The following CCDC7 variants were observed in gnomAD, a reference collection of about 807,000 sequenced individuals.
CCDC7 encodes coiled-coil domain containing 7.
In CCDC7, 183 loss-of-function variants were observed where a neutral mutation model predicts 196.9. That is an observed-to-expected ratio of 0.93 (90% CI 0.82 to 1.05). The LOEUF (loss-of-function observed/expected upper bound fraction) is 1.05, where lower values mean the gene tolerates loss of function less well. Among genes scored for constraint, CCDC7 ranks in the 50% least tolerant of loss-of-function variants. The pLI is 0.00. For missense variants in CCDC7, 1,540 were observed against 1,482.2 expected, an observed-to-expected ratio of 1.04 and a Z score of -0.64; for synonymous variants, 525 against 484.6, an observed-to-expected ratio of 1.08 and a Z score of -1.10.
chr10:32,777,689 T>C (rs1198701063), intron 28 of CCDC7, among the ~76,000 whole-genome samples: 1 of 151,524 alleles, frequency 6.6e-6, no homozygotes, highest in African/African-American at 2.4e-5. Context: ...AAACCCCATC[T>C]CTACTAAAAA....
At chr10:32,712,019 T>C (rs1002886177) in intron 25 of CCDC7, among the ~76,000 whole-genome samples, 2 of 152,200 alleles carry the variant, frequency 1.3e-5, no homozygotes, top group African/African-American at 4.8e-5. Flanking sequence ...CATCTGCTGC[T>C]GGCCATTTAT....
chr10:32,841,997 C>G (rs1454981949), intron 33 of CCDC7, among the ~76,000 whole-genome samples: 1 of 151,922 alleles, frequency 6.6e-6, no homozygotes, highest in Non-Finnish European at 1.5e-5. Flanking sequence ...TCATAAGCTT[C>G]TAGAAGATAA....
chr10:32,811,281 A>T lies in CCDC7; in HGVS notation c.3098-3089A>T, dbSNP rs551816451. On this transcript the variant is annotated intron_variant, in intron 30 of 41. Coordinates refer to ENST00000639629, the Ensembl canonical transcript of CCDC7. The stretch of plus-strand genomic sequence containing the variant: ...GTAGACTAACTTAAAAAAAGATAGA[A>T]GATACAAATTAACAAAATCAGAAAT... Among the ~76,000 whole-genome samples, 5 of 152,174 alleles carry T rather than the reference A, an allele frequency of 3.3e-5. No individual in the cohort carries two copies. In the East Asian group the frequency reaches 7.7e-4, roughly 23 times the overall value.
intron 18 of CCDC7, among the ~76,000 whole-genome samples, chr10:32,629,859 A>G (rs1211158071): frequency 6.6e-6 from 1 of 152,194 alleles, no homozygotes; most frequent in East Asian, 1.9e-4. Context: ...GAATTATTGC[A>G]GGAGCATCCT....
At chr10:32,858,576 CCCCATGATG>C (rs1212155012) in intron 41 of CCDC7, among the ~76,000 whole-genome samples, 1 of 152,018 alleles carries the variant, frequency 6.6e-6, no homozygotes, top group African/African-American at 2.4e-5. Context: ...TCAGATGATC[CCCCATGATG>C]GTCTCAGTTG....
chr10:32,845,274 T>C, exon 34 of CCDC7: 2 of 1,575,470 alleles, frequency 1.3e-6, no homozygotes, highest in South Asian at 2.3e-5. Context: ...CAGATGATAC[T>C]GGAAGAGGTA....
Position 32,568,809 on chromosome 10 carries a change from G to T in CCDC7, c.1419+918G>T, listed in dbSNP as rs947966855. Among the ~76,000 whole-genome samples the T allele has an allele frequency of 1.2e-4, 18 of 152,212 alleles. 2 individuals are homozygous for T. In the South Asian group the frequency reaches 2.7e-3, roughly 23 times the overall value. Reference sequence around the variant, plus strand: ...CTCCATTCTGAGAATGAAACCAAAGGTTTAAAAAATTAGCCATGCCGCATT... The same window carrying T: ...CTCCATTCTGAGAATGAAACCAAAGTTTTAAAAAATTAGCCATGCCGCATT... On this transcript the variant is annotated intron_variant, in intron 15 of 41. Transcript: ENST00000639629.
At chr10:32,497,441 A>T (rs1344254240) in intron 9 of CCDC7, among the ~76,000 whole-genome samples, 1 of 152,006 alleles carries the variant, frequency 6.6e-6, no homozygotes, top group African/African-American at 2.4e-5. Context: ...TAGCTTTTGA[A>T]TTTGTTTGCT....
At chr10:32,633,779 A>G (rs1228583009) in intron 18 of CCDC7, among the ~76,000 whole-genome samples, 1 of 149,212 alleles carries the variant, frequency 6.7e-6, no homozygotes, top group Non-Finnish European at 1.5e-5. Context: ...GGAATTGTGC[A>G]TTAACTTACT....
chr10:32,570,833 T>C (rs1252632908), intron 15 of CCDC7, among the ~76,000 whole-genome samples: 1 of 152,108 alleles, frequency 6.6e-6, no homozygotes, highest in Non-Finnish European at 1.5e-5. Flanking sequence ...TAGGAGTCTT[T>C]GCCACAGGGG....
chr10:32,676,510 A>G (rs1284893133), intron 21 of CCDC7, among the ~76,000 whole-genome samples: 1 of 152,054 alleles, frequency 6.6e-6, no homozygotes, highest in Admixed American at 6.6e-5. Flanking sequence ...AATGAACTCA[A>G]ACAAATTTAC....
intron 16 of CCDC7, among the ~76,000 whole-genome samples, chr10:32,576,589 C>A (rs887028495): frequency 7.1e-6 from 1 of 140,630 alleles, no homozygotes; most frequent in Non-Finnish European, 1.5e-5. Context: ...ATCACTTTGT[C>A]CCCTAGGCTG....
At chr10:32,760,020 A>C (rs1216899317) in intron 28 of CCDC7, among the ~76,000 whole-genome samples, 1 of 152,192 alleles carries the variant, frequency 6.6e-6, no homozygotes, top group Non-Finnish European at 1.5e-5. Flanking sequence ...GCCATCAGAG[A>C]AATGCAAATC....
At chr10:32,454,797 C>T (rs2033938366) in intron 2 of CCDC7, among the ~76,000 whole-genome samples, 1 of 152,110 alleles carries the variant, frequency 6.6e-6, no homozygotes, top group Non-Finnish European at 1.5e-5. Context: ...ATTTGAATTT[C>T]AGTCATCCTA....
At chr10:32,879,310 C>T (rs767423669), downstream of CCDC7, among the ~76,000 whole-genome samples, 3 of 152,102 alleles carry the variant, frequency 2.0e-5, no homozygotes, top group Non-Finnish European at 4.4e-5. Flanking sequence ...CAGAAAATTC[C>T]ATACAGTATC....
At chr10:32,555,639 G>A (rs1252646935) in intron 13 of CCDC7, among the ~76,000 whole-genome samples, 4 of 152,034 alleles carry the variant, frequency 2.6e-5, no homozygotes, top group African/African-American at 9.7e-5. Flanking sequence ...TATAGGGTGG[G>A]AAAAAATTGT....
chr10:32,609,237 C>A (rs1340303651), intron 18 of CCDC7, among the ~76,000 whole-genome samples: 1 of 151,972 alleles, frequency 6.6e-6, no homozygotes, highest in Non-Finnish European at 1.5e-5. Flanking sequence ...GCATTAGAGT[C>A]GATCTTTACC....
chr10:32,661,816 CTG>C (rs2071523716), intron 20 of CCDC7, among the ~76,000 whole-genome samples: 1 of 152,128 alleles, frequency 6.6e-6, no homozygotes, highest in Non-Finnish European at 1.5e-5. Context: ...TTTTTTGGAG[CTG>C]TGAGTTGCAC....
At chr10:32,740,589 T>A (rs1229944692) in intron 28 of CCDC7, among the ~76,000 whole-genome samples, 1 of 152,212 alleles carries the variant, frequency 6.6e-6, no homozygotes, top group African/African-American at 2.4e-5. Flanking sequence ...GTCCTGGAAC[T>A]AATCCCTATG....
Sources: gnomAD v4.1 joint callset for allele counts (sites outside exome capture counted in the v4.1 genomes callset) on GRCh38, gnomAD v4.1.1 for gene constraint, MANE v1.5 for transcripts, NCBI Gene and HGNC (gene_info 2026-07-23, HGNC 2026-07-21) for gene names.